Variants in OR11A1 observed in about 807,000 individuals in gnomAD.
The protein encoded by OR11A1 is olfactory receptor 11A1.
For missense variants in OR11A1, 380 were observed against 378.2 expected, an observed-to-expected ratio of 1.00 and a Z score of -0.04; for synonymous variants, 158 against 152.2, an observed-to-expected ratio of 1.04 and a Z score of -0.28.
chr6:29,431,524 C>G (rs1406835104), intron 2 of OR11A1, among the ~76,000 whole-genome samples: 1 of 152,122 alleles, frequency 6.6e-6, no homozygotes, highest in Non-Finnish European at 1.5e-5. Flanking sequence ...CTCGCTTCTT[C>G]CTACTCTGTA....
chr6:29,443,954 G>C (rs1039027302), intron 1 of OR11A1, among the ~76,000 whole-genome samples: 2 of 150,596 alleles, frequency 1.3e-5, no homozygotes, highest in African/African-American at 4.9e-5. Flanking sequence ...GCAAGACTTA[G>C]AGCCACCAAT....
intron 1 of OR11A1, among the ~76,000 whole-genome samples, chr6:29,432,259 C>T (rs1322921577): frequency 6.6e-6 from 1 of 152,152 alleles, no homozygotes; most frequent in Non-Finnish European, 1.5e-5. Flanking sequence ...AGGCGGTTTC[C>T]TGAACTGTTG....
intron 1 of OR11A1, chr6:29,439,948 C>A: frequency 8.0e-7 from 1 of 1,250,334 alleles, no homozygotes; most frequent in Non-Finnish European, 1.1e-6. Context: ...TTGCCCATTT[C>A]ACGATTCCAT....
intron 1 of OR11A1, among the ~76,000 whole-genome samples, chr6:29,456,002 G>T (rs1241604897): frequency 6.6e-6 from 1 of 151,986 alleles, no homozygotes; most frequent in African/African-American, 2.4e-5. Context: ...GGCCTAAGCA[G>T]GTGGATCACC....
At chr6:29,428,812 C>T (rs2151362318) in intron 4 of OR11A1, 101 bp downstream of exon 4, 1 of 188,902 alleles carries the variant, frequency 5.3e-6, no homozygotes. Context: ...AGACAGGAAA[C>T]CAGACCAGGC....
intron 1 of OR11A1, among the ~76,000 whole-genome samples, chr6:29,437,296 C>T (rs1452533512): frequency 6.6e-6 from 1 of 152,140 alleles, no homozygotes; most frequent in Non-Finnish European, 1.5e-5. Context: ...CACAAATGTC[C>T]AACAATGATA....
intron 1 of OR11A1, among the ~76,000 whole-genome samples, chr6:29,443,571 G>A (rs1454179085): frequency 6.6e-6 from 1 of 151,878 alleles, no homozygotes; most frequent in South Asian, 2.1e-4. Context: ...GGAAGTTCAG[G>A]TTGTTTCCAG....
chr6:29,434,152 G>A (rs1783463850), intron 1 of OR11A1, among the ~76,000 whole-genome samples: 1 of 152,112 alleles, frequency 6.6e-6, no homozygotes, highest in African/African-American at 2.4e-5. Flanking sequence ...TTGCTGCGGA[G>A]AAATGTTTTA....
At chr6:29,438,159 G>A (rs1783788531) in intron 1 of OR11A1, among the ~76,000 whole-genome samples, 1 of 152,112 alleles carries the variant, frequency 6.6e-6, no homozygotes, top group African/African-American at 2.4e-5. Flanking sequence ...TGGTTGGTAT[G>A]TCTTGAAAAC....
rs943730152 is a variant in OR11A1 at position 29,426,013 on chromosome 6, G to A, written c.*681C>T. On this transcript the variant is annotated 3_prime_UTR_variant, in exon 5 of 5. Coordinates refer to ENST00000377149, the MANE Select transcript of OR11A1 (RefSeq NM_001394828.1). ...TGCTTGTTAATAGAAAAAGTTGTTCGTGACACAGTGTTCAGTGGAAAACCA... is the reference window on the plus strand; with the variant it reads ...TGCTTGTTAATAGAAAAAGTTGTTCATGACACAGTGTTCAGTGGAAAACCA... 5 of 152,312 alleles carry A rather than the reference G, an allele frequency of 3.3e-5. No homozygotes were observed. The highest frequency in any genetic ancestry group is 3.9e-4 in the East Asian group (2 of 5,188). 9.4% of individuals were successfully genotyped at this position (152,312 alleles called of 1,614,324 possible).
intron 1 of OR11A1, among the ~76,000 whole-genome samples, chr6:29,452,144 A>G (rs1400614088): frequency 1.3e-5 from 2 of 152,158 alleles, no homozygotes; most frequent in Non-Finnish European, 2.9e-5. Flanking sequence ...CATGACCACA[A>G]AGAAAGTAAC....
intron 1 of OR11A1, among the ~76,000 whole-genome samples, chr6:29,455,627 A>G (rs1163067570): frequency 1.3e-5 from 2 of 152,156 alleles, no homozygotes; most frequent in African/African-American, 4.8e-5. Context: ...ATATCAAAAC[A>G]TCATTTGGGA....
chr6:29,442,255 C>T (rs537147350), intron 1 of OR11A1, among the ~76,000 whole-genome samples: 15 of 152,170 alleles, frequency 9.9e-5, no homozygotes, highest in African/African-American at 3.6e-4. Flanking sequence ...GAAACTGCTA[C>T]CCAGCACAGA....
rs763461295 is a variant in OR11A1, at chr6:29,427,140, T to A, written c.502A>T (p.Arg168Trp). 26 of 1,612,922 alleles carry A rather than the reference T, an allele frequency of 1.6e-5. No homozygotes were observed. The highest frequency in any genetic ancestry group is 2.1e-5 in the Non-Finnish European group (25 of 1,180,030). The stretch of plus-strand genomic sequence containing the variant: ...TCAATGTGGTTGGGGCCACAGAACC[T>A]CAGCTGGGCCACCAGGGCCACAACC... ...GLVVALVAQL[R>W]FCGPNHIDQF... Residue 168 changes from arginine to tryptophan, a missense_variant, in exon 5 of 5, where the codon AGG becomes TGG. Arg to Trp is a moderately radical substitution (Grantham distance 101). Coordinates refer to ENST00000377149, the MANE Select transcript of OR11A1 (RefSeq NM_001394828.1).
intron 1 of OR11A1, chr6:29,440,498 C>A (rs2074467): frequency 0.023 from 37,060 of 1,613,722 alleles, 1,161 homozygotes; most frequent in African/African-American, 0.12. Context: ...ACACCCCTTT[C>A]ATCTTCTCTT....
rs1039243236 is a variant in OR11A1 at position 29,457,062 on chromosome 6, T to C, written c.-464A>G. ...TCCCCATATGTGTGTTTCCATTCAC[T>C]GCTAGGATGGCTTCCTCCAAAGTAA... On this transcript the variant is annotated 5_prime_UTR_variant, in exon 1 of 5. Coordinates refer to ENST00000377149, the MANE Select transcript of OR11A1 (RefSeq NM_001394828.1). 4 of 152,176 alleles carry C rather than the reference T, an allele frequency of 2.6e-5. No homozygotes were observed. Among genetic ancestry groups the C allele is most frequent in the Non-Finnish European group, 4.4e-5 (3 of 68,024 alleles). The allele number at this position is 152,176 out of a possible 1,614,324, so 9.4% of individuals were successfully genotyped here.
chr6:29,447,513 TAGA>T (rs1412351727), intron 1 of OR11A1, among the ~76,000 whole-genome samples: 4 of 152,230 alleles, frequency 2.6e-5, no homozygotes, highest in Admixed American at 2.6e-4. Flanking sequence ...GAACGAGTGG[TAGA>T]AGACTCTTCT....
chr6:29,437,199 A>G (rs1296280905), intron 1 of OR11A1, among the ~76,000 whole-genome samples: 2 of 152,238 alleles, frequency 1.3e-5, no homozygotes, highest in Non-Finnish European at 2.9e-5. Context: ...TATATACCCA[A>G]AGGATTATAA....
intron 1 of OR11A1, among the ~76,000 whole-genome samples, chr6:29,447,603 G>C (rs796712598): frequency 3.9e-5 from 6 of 152,330 alleles, no homozygotes; most frequent in African/African-American, 1.4e-4. Flanking sequence ...AAGTACAGGG[G>C]TGCGTCCCAA....
Sources: allele counts gnomAD v4.1 joint callset (sites outside exome capture counted in the v4.1 genomes callset), GRCh38; gene constraint gnomAD v4.1.1; transcripts MANE v1.5; gene names NCBI Gene and HGNC (gene_info 2026-07-23, HGNC 2026-07-21).